Variants in SYT14 observed in about 807,000 individuals in gnomAD.
SYT14 encodes the protein synaptotagmin 14.
SYT14 carries 32 observed loss-of-function variants against 74.2 expected under a neutral mutation model. The ratio of observed to expected loss-of-function variants is 0.43; its 90% confidence interval spans 0.33 to 0.58. The LOEUF is 0.58. Ranked by LOEUF, SYT14 falls within the 20% of genes least tolerant of loss-of-function variation. The pLI is 0.05. For missense variants in SYT14, 791 were observed against 981.8 expected (o/e 0.81, Z 2.60); for synonymous variants, 298 against 337.7 (o/e 0.88, Z 1.29).
chr1:210,015,586 G>T (rs2080166023), intron 3 of SYT14: 1 of 153,650 alleles, frequency 6.5e-6, no homozygotes, highest in Admixed American at 6.5e-5. Context: ...ATGATACTGG[G>T]TAGTTTATTA....
At chr1:209,989,025 T>A (rs1458111119) in intron 2 of SYT14, among the ~76,000 whole-genome samples, 2 of 152,182 alleles carry the variant, frequency 1.3e-5, no homozygotes, top group African/African-American at 2.4e-5. Flanking sequence ...TTTCTCCAGG[T>A]AGTAAGCTTG....
At chr1:210,015,087 C>G (rs1478797197) in intron 3 of SYT14, among the ~76,000 whole-genome samples, 3 of 151,556 alleles carry the variant, frequency 2.0e-5, no homozygotes, top group African/African-American at 2.4e-5. Flanking sequence ...TTAAATTTTA[C>G]AAAACTATTT....
rs111922017 is a variant in SYT14 at position 210,060,715 on chromosome 1, T to C, written c.1313-33607T>C. Among the ~76,000 whole-genome samples the C allele has an allele frequency of 6.5e-3, 982 of 152,210 alleles. 5 individuals carry two copies. The highest frequency in any genetic ancestry group is 9.7e-3 in the Non-Finnish European group (661 of 67,964). On this transcript the variant is annotated intron_variant, in intron 5 of 9. Coordinates refer to ENST00000637265, the Ensembl canonical transcript of SYT14. ...CAATCCATGGGCCATGCTGCTATTATTGCTGAGTGAGATCACATGTCCTTT... is the reference window on the plus strand; with the variant it reads ...CAATCCATGGGCCATGCTGCTATTACTGCTGAGTGAGATCACATGTCCTTT...
At chr1:210,150,200 T>G (rs78532420) in intron 7 of SYT14, among the ~76,000 whole-genome samples, 18,311 of 152,106 alleles carry the variant, frequency 0.12, 1,465 homozygotes, top group South Asian at 0.23. Context: ...TGAAGCCAAA[T>G]TTGGGAAACA....
chr1:209,975,486 T>G (rs954809849), intron 2 of SYT14, among the ~76,000 whole-genome samples: 8 of 152,234 alleles, frequency 5.3e-5, no homozygotes, highest in African/African-American at 9.6e-5. Context: ...TGTCATTGGT[T>G]CTGTATATGC....
intron 5 of SYT14, among the ~76,000 whole-genome samples, chr1:210,061,478 G>T (rs944278627): frequency 2.0e-5 from 3 of 151,846 alleles, no homozygotes; most frequent in African/African-American, 7.2e-5. Context: ...ATAGACTAAG[G>T]TTCAGTTATC....
chr1:210,060,439 T>C (rs540979389), intron 5 of SYT14, among the ~76,000 whole-genome samples: 96 of 152,286 alleles, frequency 6.3e-4, no homozygotes, highest in African/African-American at 2.3e-3. Flanking sequence ...TTAGTTCTTT[T>C]ATATAGCTAC....
At chr1:210,153,229 T>A (rs2083202899) in intron 7 of SYT14, among the ~76,000 whole-genome samples, 1 of 152,216 alleles carries the variant, frequency 6.6e-6, no homozygotes, top group Non-Finnish European at 1.5e-5. Flanking sequence ...TTCCCAGTGC[T>A]TTGTCCTCAC....
At chr1:210,160,370 C>A (rs1208108940) in intron 9 of SYT14, among the ~76,000 whole-genome samples, 1 of 151,528 alleles carries the variant, frequency 6.6e-6, no homozygotes, top group Non-Finnish European at 1.5e-5. Flanking sequence ...GCTATGATGT[C>A]CTGCTTAGTG....
At chr1:210,105,103 C>T (rs932763644) in intron 7 of SYT14, among the ~76,000 whole-genome samples, 1 of 152,058 alleles carries the variant, frequency 6.6e-6, no homozygotes, top group Non-Finnish European at 1.5e-5. Context: ...AGTGCAGATT[C>T]TCATTCCCTC....
At chr1:210,052,619 G>T (rs561580389) in intron 5 of SYT14, among the ~76,000 whole-genome samples, 1 of 129,108 alleles carries the variant, frequency 7.7e-6, no homozygotes, top group Non-Finnish European at 1.5e-5. Context: ...CTGAGATCAC[G>T]CCACTGCACT....
chr1:210,024,195 G>T (rs1395987598), intron 5 of SYT14, among the ~76,000 whole-genome samples: 1 of 152,194 alleles, frequency 6.6e-6, no homozygotes, highest in African/African-American at 2.4e-5. Flanking sequence ...GTGAGAATTT[G>T]CTGAAAAGTT....
chr1:210,032,133 A>G (rs2080550626), intron 5 of SYT14, among the ~76,000 whole-genome samples: 1 of 152,008 alleles, frequency 6.6e-6, no homozygotes, highest in African/African-American at 2.4e-5. Flanking sequence ...ACAGAGAAGG[A>G]TATCATTGGA....
At chr1:210,021,133 C>T (rs1302396191) in exon 5 of SYT14, 2 of 1,614,016 alleles carry the variant, frequency 1.2e-6, no homozygotes, top group Non-Finnish European at 1.7e-6. Flanking sequence ...CCAGAACACA[C>T]AATTCCAGAC....
intron 5 of SYT14, among the ~76,000 whole-genome samples, chr1:210,033,475 C>T (rs1452870370): frequency 6.6e-6 from 1 of 151,700 alleles, no homozygotes; most frequent in African/African-American, 2.4e-5. Flanking sequence ...AAATAAATTA[C>T]ATTGAAATCT....
intron 7 of SYT14, among the ~76,000 whole-genome samples, chr1:210,154,721 A>G (rs981148994): frequency 6.6e-6 from 1 of 152,202 alleles, no homozygotes; most frequent in Non-Finnish European, 1.5e-5. Context: ...TCCAAAAAAT[A>G]TAGATATTTT....
At chr1:209,968,971 C>T (rs933261944) in intron 2 of SYT14, among the ~76,000 whole-genome samples, 3 of 152,030 alleles carry the variant, frequency 2.0e-5, no homozygotes, top group African/African-American at 7.2e-5. Flanking sequence ...GTGTTTAGCT[C>T]CCACTTATAA....
chr1:210,072,829 C>G (rs1252526714), intron 5 of SYT14, among the ~76,000 whole-genome samples: 1 of 151,588 alleles, frequency 6.6e-6, no homozygotes, highest in Non-Finnish European at 1.5e-5. Flanking sequence ...TCTTATTGTT[C>G]AGGTATATTA....
At chr1:210,010,098 C>G (rs2080059021) in intron 2 of SYT14, among the ~76,000 whole-genome samples, 1 of 152,156 alleles carries the variant, frequency 6.6e-6, no homozygotes, top group African/African-American at 2.4e-5. Context: ...TATTTTACCA[C>G]TATTGACTTG....
Sources: gnomAD v4.1 joint callset for allele counts (sites outside exome capture counted in the v4.1 genomes callset) on GRCh38, gnomAD v4.1.1 for gene constraint, MANE v1.5 for transcripts, NCBI Gene and HGNC (gene_info 2026-07-23, HGNC 2026-07-21) for gene names.